SLC25A17: variants seen among roughly 807,000 people sequenced by gnomAD.
SLC25A17 encodes the protein peroxisomal membrane protein PMP34.
A neutral mutation model predicts 38.5 loss-of-function variants in SLC25A17; 26 were observed. That is an observed-to-expected ratio of 0.68 (90% CI 0.50 to 0.94). The LOEUF (loss-of-function observed/expected upper bound fraction) is 0.94. Ranked by LOEUF, SLC25A17 falls within the 40% of genes least tolerant of loss-of-function variation. SLC25A17 has a pLI of 0.00. For missense variants in SLC25A17, 333 were observed against 372.7 expected (o/e 0.89, Z 0.88); for synonymous variants, 139 against 136.2 (o/e 1.02, Z -0.14).
chr22:40,779,302 G>T (rs7289353), intron 4 of SLC25A17, 177 bp from the exon 5 acceptor site: 1 of 1,448,110 alleles, frequency 6.9e-7, no homozygotes, highest in South Asian at 1.5e-5. Flanking sequence ...TGTTAGAAGC[G>T]ATTTGGAAGC....
At chr22:40,818,932 C>T (rs1232990792) in intron 1 of SLC25A17, among the ~76,000 whole-genome samples, 2 of 152,098 alleles carry the variant, frequency 1.3e-5, no homozygotes, top group African/African-American at 2.4e-5. Flanking sequence ...GGCAAAGATG[C>T]GGACCCTGAG....
At chr22:40,804,403 T>C (rs1231987766) in intron 1 of SLC25A17, among the ~76,000 whole-genome samples, 1 of 152,168 alleles carries the variant, frequency 6.6e-6, no homozygotes, top group Non-Finnish European at 1.5e-5. Flanking sequence ...TCAATCTAAT[T>C]GGGGTGAGGT....
intron 1 of SLC25A17, among the ~76,000 whole-genome samples, chr22:40,807,358 C>G (rs1165215434): frequency 6.6e-6 from 1 of 152,160 alleles, no homozygotes; most frequent in East Asian, 1.9e-4. Context: ...TAAAGTCAGA[C>G]AGCTTGTGAT....
At chr22:40,771,124 T>G in intron 8 of SLC25A17, 143 bp from the exon 9 acceptor site, 1 of 749,140 alleles carries the variant, frequency 1.3e-6, no homozygotes. Flanking sequence ...TTTCCTTTTT[T>G]TGAGACGGAG....
At chr22:40,799,299 C>T (rs921691214) in intron 1 of SLC25A17, among the ~76,000 whole-genome samples, 1 of 151,482 alleles carries the variant, frequency 6.6e-6, no homozygotes. Flanking sequence ...CCATGTTTGG[C>T]TAATTTTTAA....
At chr22:40,809,889 C>T (rs2057563466) in intron 1 of SLC25A17, among the ~76,000 whole-genome samples, 2 of 152,088 alleles carry the variant, frequency 1.3e-5, no homozygotes, top group Admixed American at 6.6e-5. Context: ...TGGCCACTGT[C>T]CTTTCCAGGA....
At chr22:40,819,174 G>C (rs755750067) in intron 1 of SLC25A17, 21 bp downstream of exon 1, 1 of 1,613,302 alleles carries the variant, frequency 6.2e-7, no homozygotes, top group Non-Finnish European at 8.5e-7. Flanking sequence ...TTGCGGCCCG[G>C]GCGTAAAGAC....
At chr22:40,782,680 C>T (rs763072110) in intron 4 of SLC25A17, among the ~76,000 whole-genome samples, 5 of 152,164 alleles carry the variant, frequency 3.3e-5, no homozygotes, top group Non-Finnish European at 5.9e-5. Context: ...CACTTGACTC[C>T]GTAGGAAGGA....
At chr22:40,777,554 C>T (rs1024623893) in intron 5 of SLC25A17, among the ~76,000 whole-genome samples, 181 bp from the exon 6 acceptor site, 2 of 152,080 alleles carry the variant, frequency 1.3e-5, no homozygotes, top group African/African-American at 4.8e-5. Flanking sequence ...GAGGCCGAGG[C>T]GGGTGGATCA....
At chr22:40,792,421 G>T in intron 4 of SLC25A17, 104 bp downstream of exon 4, 1 of 888,150 alleles carries the variant, frequency 1.1e-6, no homozygotes, top group Non-Finnish European at 1.6e-6. Flanking sequence ...TTGGAAAACT[G>T]GCTATATTCT....
chr22:40,771,873 AC>A (rs1298601478), intron 8 of SLC25A17, among the ~76,000 whole-genome samples: 2 of 152,226 alleles, frequency 1.3e-5, no homozygotes, highest in East Asian at 1.9e-4. Context: ...ACTGTTTGTA[AC>A]AAAAAGAATA....
Position 40,773,960 on chromosome 22 carries a change from G to T in SLC25A17, c.753C>A (p.Leu251=). The change falls in exon 8 of 9, where the codon CTC becomes CTA. Residue 251 remains leucine, a synonymous_variant. Coordinates refer to ENST00000435456, the MANE Select transcript of SLC25A17 (RefSeq NM_006358.4). ...ACCTTACTCGTTGGTGAAGAAGATA[G>T]AGAATATTCCGAAGACTTCCCAATG... is the stretch of plus-strand genomic sequence containing the variant. ...NRTLGSLRNI[L]YLLHQRVRRF... is the part of the protein sequence containing the mutation. 6.2e-7 allele frequency: 1 copy of T among 1,611,648 alleles called. No homozygotes were observed. Among genetic ancestry groups the T allele is most frequent in the South Asian group, 1.1e-5 (1 of 91,018 alleles).
intron 4 of SLC25A17, 121 bp from the exon 5 acceptor site, chr22:40,779,246 T>G: frequency 1.3e-6 from 2 of 1,546,728 alleles, no homozygotes; most frequent in Non-Finnish European, 1.7e-6. Flanking sequence ...TTAGGAGACC[T>G]AAGGTAAGGT....
intron 1 of SLC25A17, 27 bp from the exon 2 acceptor site, chr22:40,799,110 A>G: frequency 6.3e-7 from 1 of 1,589,812 alleles, no homozygotes; most frequent in Non-Finnish European, 8.6e-7. Flanking sequence ...AGGCCATTAC[A>G]GCATCACAAA....
intron 1 of SLC25A17, among the ~76,000 whole-genome samples, chr22:40,817,043 T>C (rs775630388): frequency 2.0e-4 from 30 of 152,226 alleles, no homozygotes; most frequent in African/African-American, 6.8e-4. Context: ...TTAATGAACA[T>C]TTATTGCAAG....
intron 2 of SLC25A17, 27 bp from the exon 3 acceptor site, chr22:40,794,607 T>C (rs1315090607): frequency 6.7e-7 from 1 of 1,497,794 alleles, no homozygotes. Context: ...TGCATGTTTA[T>C]TTTATTAATT....
In SLC25A17 at chr22:40,794,518, C is replaced by T. The variant is rs1474718159; in HGVS notation, c.178G>A (p.Gly60Arg). ...GTGAACTGAGGTAGTACTCACAGTC[C>T]TTCTTCTTTAATGATCTCCAGGAGC... ...MVLLEIIKEE[G>R]LLAPYRGWFP... The change falls in exon 3 of 9, where the codon GGA (glycine) becomes AGA (arginine). Residue 60 changes from glycine (G) to arginine (R), a missense_variant. Gly to Arg is a moderately radical substitution (Grantham distance 125, BLOSUM62 -2). Coordinates refer to ENST00000435456, the MANE Select transcript of SLC25A17 (RefSeq NM_006358.4). The T allele has an allele frequency of 8.7e-6, 14 of 1,605,776 alleles. No individual in the cohort carries two copies. The Middle Eastern group carries it at 9.9e-4, about 114-fold the overall frequency.
At chr22:40,803,833 T>C (rs971973409) in intron 1 of SLC25A17, among the ~76,000 whole-genome samples, 1 of 151,912 alleles carries the variant, frequency 6.6e-6, no homozygotes, top group African/African-American at 2.4e-5. Context: ...TTTTTTTTTT[T>C]TTTAATGGCT....
intron 4 of SLC25A17, among the ~76,000 whole-genome samples, chr22:40,791,652 T>A (rs530892549): frequency 1.3e-5 from 2 of 152,190 alleles, no homozygotes; most frequent in Non-Finnish European, 2.9e-5. Flanking sequence ...ATGTTCAGCA[T>A]CACTAATCAT....
Sources: gnomAD v4.1 joint callset for allele counts (sites outside exome capture counted in the v4.1 genomes callset) on GRCh38, gnomAD v4.1.1 for gene constraint, MANE v1.5 for transcripts, NCBI Gene and HGNC (gene_info 2026-07-23, HGNC 2026-07-21) for gene names.